Variants in BTBD9 observed in about 807,000 individuals in gnomAD.
The protein encoded by BTBD9 is BTB domain containing 9.
BTBD9 carries 49 observed loss-of-function variants against 64.3 expected under a neutral mutation model. The ratio of observed to expected loss-of-function variants is 0.76; its 90% CI spans 0.61 to 0.97. The LOEUF is 0.97. BTBD9 is among the 50% of genes least tolerant of loss of function. The pLI is 0.00. For synonymous variants in BTBD9, 260 were observed against 274.7 expected (o/e 0.95, Z 0.53); for missense variants, 598 against 762.1 (o/e 0.78, Z 2.53).
intron 7 of BTBD9, among the ~76,000 whole-genome samples, chr6:38,303,568 A>G (rs1762490951): frequency 6.6e-6 from 1 of 151,490 alleles, no homozygotes; most frequent in African/African-American, 2.4e-5. Context: ...GTCTCTGTTT[A>G]CTCTGTGTTA....
At chr6:38,287,866 A>C (rs1761807329) in intron 8 of BTBD9, among the ~76,000 whole-genome samples, 2 of 152,260 alleles carry the variant, frequency 1.3e-5, no homozygotes, top group South Asian at 4.1e-4. Context: ...AAGATCACTA[A>C]GATTATTCAA....
At chr6:38,395,073 G>A (rs1333936216) in intron 6 of BTBD9, among the ~76,000 whole-genome samples, 4 of 152,166 alleles carry the variant, frequency 2.6e-5, no homozygotes, top group Non-Finnish European at 5.9e-5. Flanking sequence ...GGAGGTGGGG[G>A]CTTTGGGGAG....
At chr6:38,360,013 A>G (rs976129337) in intron 6 of BTBD9, among the ~76,000 whole-genome samples, 4 of 152,220 alleles carry the variant, frequency 2.6e-5, no homozygotes, top group African/African-American at 4.8e-5. Context: ...CAAACACTAG[A>G]AAGAACTGGT....
At chr6:38,194,949 A>G (rs1762226087) in intron 9 of BTBD9, among the ~76,000 whole-genome samples, 2 of 152,102 alleles carry the variant, frequency 1.3e-5, no homozygotes, top group Non-Finnish European at 2.9e-5. Context: ...TTTAATACCA[A>G]TCTTCCATTA....
intron 9 of BTBD9, among the ~76,000 whole-genome samples, chr6:38,230,935 A>T (rs1763584463): frequency 6.6e-6 from 1 of 152,202 alleles, no homozygotes; most frequent in Non-Finnish European, 1.5e-5. Flanking sequence ...ATTTATCAGT[A>T]GTTGAAACTT....
At chr6:38,513,137 G>C (rs1772849620) in intron 6 of BTBD9, among the ~76,000 whole-genome samples, 1 of 152,096 alleles carries the variant, frequency 6.6e-6, no homozygotes, top group East Asian at 1.9e-4. Context: ...TTCTTATAAG[G>C]TTCATTTAAC....
chr6:38,391,882 T>C (rs1308434237), intron 6 of BTBD9, among the ~76,000 whole-genome samples: 1 of 152,202 alleles, frequency 6.6e-6, no homozygotes, highest in Non-Finnish European at 1.5e-5. Flanking sequence ...ATCGGCAACT[T>C]GCTCAAAATC....
intron 7 of BTBD9, among the ~76,000 whole-genome samples, chr6:38,337,762 T>G (rs1763951307): frequency 6.6e-6 from 1 of 152,238 alleles, no homozygotes; most frequent in South Asian, 2.1e-4. Context: ...GAATCTGTTT[T>G]CTTTCAGCTC....
Position 38,442,661 on chromosome 6 carries a change from C to CTTTTTTT in BTBD9, c.1155-97575_1155-97569dup, listed in dbSNP as rs11313452. On this transcript the variant is annotated intron_variant, in intron 6 of 10. Transcript: ENST00000481247. ...CATATAGAACAGACTCATTTGTACT[C>CTTTTTTT]TTTTTTTTTTTTTTTTTTTTTTTTT... 8.0e-4 allele frequency among the ~76,000 whole-genome samples: 46 copies of CTTTTTTT among 57,560 alleles called. 1 individual carries two copies. Among genetic ancestry groups the CTTTTTTT allele is most frequent in the East Asian group, 1.2e-3 (2 of 1,612 alleles). 37.8% of individuals were successfully genotyped at this position (57,560 alleles called of 152,430 possible). A position where few individuals can be genotyped will look rare whatever the true frequency, so the allele number is the denominator to read the frequency against.
At chr6:38,363,793 G>A (rs1765074514) in intron 6 of BTBD9, among the ~76,000 whole-genome samples, 1 of 152,164 alleles carries the variant, frequency 6.6e-6, no homozygotes, top group Non-Finnish European at 1.5e-5. Context: ...GGTGAAATTA[G>A]GTTACATATC....
At chr6:38,575,206 T>C (rs923230400) in intron 6 of BTBD9, among the ~76,000 whole-genome samples, 9 of 152,196 alleles carry the variant, frequency 5.9e-5, no homozygotes, top group East Asian at 1.9e-4. Context: ...TATATGTACA[T>C]ATTAATGTTC....
At chr6:38,367,462 G>C (rs577569896) in intron 6 of BTBD9, among the ~76,000 whole-genome samples, 4 of 152,160 alleles carry the variant, frequency 2.6e-5, no homozygotes, top group African/African-American at 7.2e-5. Context: ...TTTAGGGGAA[G>C]AGAAGCTTCT....
chr6:38,459,335 C>T (rs1769969249), intron 6 of BTBD9, among the ~76,000 whole-genome samples: 1 of 152,172 alleles, frequency 6.6e-6, no homozygotes, highest in Non-Finnish European at 1.5e-5. Context: ...CCTTTTATAA[C>T]AAAGACATTT....
In BTBD9 at chr6:38,594,243, C is replaced by T. The variant is rs748496788; in HGVS notation, c.270G>A (p.Met90Ile). 1 of 1,614,174 alleles carries T rather than the reference C, an allele frequency of 6.2e-7. No homozygotes were observed. The highest frequency in any genetic ancestry group is 8.5e-7 in the Non-Finnish European group (1 of 1,180,032). ...GCCCAGTGTAGATATATTTGAGTAG[C>T]ATTGTGAATGCTTCTGCAGTGGTGT... The part of the protein sequence containing the change: ...LQDTTAEAFT[M>I]LLKYIYTGRA... Residue 90 changes from methionine to isoleucine, a missense_variant, in exon 3 of 11, where the codon ATG becomes ATA. Physicochemically the swap from Met to Ile is conservative, Grantham distance 10. Coordinates refer to ENST00000481247, the MANE Select transcript of BTBD9 (RefSeq NM_001099272.2).
At chr6:38,457,493 T>C (rs1171060440) in intron 6 of BTBD9, among the ~76,000 whole-genome samples, 3 of 151,956 alleles carry the variant, frequency 2.0e-5, no homozygotes, top group African/African-American at 7.3e-5. Context: ...TTTTTTTTTT[T>C]AAAGGCAGGA....
At chr6:38,296,249 T>C (rs541136989) in intron 7 of BTBD9, among the ~76,000 whole-genome samples, 1 of 152,266 alleles carries the variant, frequency 6.6e-6, no homozygotes, top group South Asian at 2.1e-4. Context: ...TCAGGAAAAT[T>C]TTTTATTTTG....
At chr6:38,378,652 C>G (rs896200331) in intron 6 of BTBD9, among the ~76,000 whole-genome samples, 1 of 151,510 alleles carries the variant, frequency 6.6e-6, no homozygotes, top group Non-Finnish European at 1.5e-5. Context: ...GTCAGGTAGA[C>G]CGCTTGAGGT....
rs1582317340 is a variant in BTBD9, at chr6:38,374,297, G to GTGTATATATATA, written c.1155-29205_1155-29204insTATATATATACA. On this transcript the variant is annotated intron_variant, in intron 6 of 10. Coordinates refer to ENST00000481247, the MANE Select transcript of BTBD9 (RefSeq NM_001099272.2). The stretch of plus-strand genomic sequence containing the variant: ...AAAAAAAAAAAGTATATATATATAT[G>GTGTATATATATA]TATATATATGTATATATATATATAT... 3.7e-4 allele frequency among the ~76,000 whole-genome samples: 20 copies of GTGTATATATATA among 53,698 alleles called. 1 individual carries two copies. Among genetic ancestry groups the GTGTATATATATA allele is most frequent in the African/African-American group, 1.4e-3 (16 of 11,308 alleles). The allele number at this position is 53,698 out of a possible 152,430, so 35.2% of individuals were successfully genotyped here. A position where few individuals can be genotyped will look rare whatever the true frequency, so the allele number is the denominator to read the frequency against.
chr6:38,423,803 A>C (rs1443813573), intron 6 of BTBD9, among the ~76,000 whole-genome samples: 1 of 150,004 alleles, frequency 6.7e-6, no homozygotes, highest in African/African-American at 2.5e-5. Context: ...GGCAGATACA[A>C]TGCATTAAAA....
Sources: allele counts gnomAD v4.1 joint callset (sites outside exome capture counted in the v4.1 genomes callset), GRCh38; gene constraint gnomAD v4.1.1; transcripts MANE v1.5; gene names NCBI Gene and HGNC (gene_info 2026-07-23, HGNC 2026-07-21).